EIF3H: variants seen among roughly 807,000 people sequenced by gnomAD.
The protein encoded by EIF3H is eIF-3-gamma.
Under a neutral mutation model 44.2 loss-of-function variants are expected in EIF3H, and 26 were observed. The observed-to-expected ratio is 0.59, with a 90% CI of 0.43 to 0.82. The LOEUF (loss-of-function observed/expected upper bound fraction) is 0.82, where lower values mean the gene tolerates loss of function less well. Among genes scored for constraint, EIF3H ranks in the 40% least tolerant of loss-of-function variants. The pLI is 0.00. For synonymous variants in EIF3H, 166 were observed against 151.9 expected (o/e 1.09, Z -0.68); for missense variants, 359 against 432.8 (o/e 0.83, Z 1.51).
chr8:116,688,929 T>C (rs1814126294), intron 2 of EIF3H: 1 of 282,242 alleles, frequency 3.5e-6, no homozygotes, highest in African/African-American at 2.3e-5. Flanking sequence ...AGAGTTACCA[T>C]ATGACCCAGC....
chr8:116,656,465 T>C (rs1393248160), intron 4 of EIF3H, among the ~76,000 whole-genome samples: 1 of 152,182 alleles, frequency 6.6e-6, no homozygotes, highest in African/African-American at 2.4e-5. Context: ...ATACAATAGT[T>C]AGAACATGCC....
chr8:116,688,746 T>A (rs1814123218), intron 2 of EIF3H, among the ~76,000 whole-genome samples: 1 of 152,192 alleles, frequency 6.6e-6, no homozygotes. Context: ...AAGTTGTGCA[T>A]CTGTTTGATG....
chr8:116,746,087 T>C (rs1004660787), intron 1 of EIF3H, among the ~76,000 whole-genome samples: 1 of 152,222 alleles, frequency 6.6e-6, no homozygotes, highest in Non-Finnish European at 1.5e-5. Flanking sequence ...CTCAGCAGTT[T>C]AAGGTTGCAT....
chr8:116,713,334 G>A (rs2130903584), intron 2 of EIF3H, among the ~76,000 whole-genome samples: 1 of 152,154 alleles, frequency 6.6e-6, no homozygotes, highest in Middle Eastern at 3.4e-3. Context: ...TGGGGACTAA[G>A]GGAGAGTATA....
chr8:116,679,394 G>A (rs1250633299), intron 2 of EIF3H, among the ~76,000 whole-genome samples: 3 of 67,732 alleles, frequency 4.4e-5, no homozygotes, highest in Non-Finnish European at 1.4e-4. Flanking sequence ...CAGCCGCCCC[G>A]TCCGGGAGGG....
chr8:116,702,317 G>C (rs1330168617), intron 2 of EIF3H, among the ~76,000 whole-genome samples: 2 of 152,186 alleles, frequency 1.3e-5, no homozygotes, highest in Non-Finnish European at 2.9e-5. Flanking sequence ...AGGTCAGAGA[G>C]AAAAGCAGGA....
chr8:116,716,402 A>G (rs1814659668), intron 2 of EIF3H, among the ~76,000 whole-genome samples: 2 of 152,096 alleles, frequency 1.3e-5, no homozygotes, highest in Admixed American at 6.5e-5. Flanking sequence ...AAAACTACCT[A>G]TTCTGATACT....
At position 116,675,745 on chromosome 8, in the gene EIF3H, T is replaced by C. The variant is rs145478854; in HGVS notation, c.290-16765A>G. ...ATGAAGCATCTGAATGCAACAAATA[T>C]GTAATTGATGTAAAAATGTTAACCA... On this transcript the variant is annotated intron_variant, in intron 2 of 7. Coordinates refer to ENST00000521861, the MANE Select transcript of EIF3H (RefSeq NM_003756.3). 3.7e-3 allele frequency among the ~76,000 whole-genome samples: 568 copies of C among 152,362 alleles called. 2 individuals are homozygous for C. The highest frequency in any genetic ancestry group is 0.017 in the Middle Eastern group (5 of 294).
chr8:116,650,109 G>A (rs1813363791), intron 5 of EIF3H, among the ~76,000 whole-genome samples: 1 of 152,192 alleles, frequency 6.6e-6, no homozygotes, highest in Admixed American at 6.5e-5. Flanking sequence ...ACTGCAATGT[G>A]AATGATATCC....
At chr8:116,702,889 G>T (rs147994103) in intron 2 of EIF3H, among the ~76,000 whole-genome samples, 204 of 152,202 alleles carry the variant, frequency 1.3e-3, no homozygotes, top group African/African-American at 4.8e-3. Flanking sequence ...TGGGGATTGT[G>T]GGGGGTGGCA....
Position 116,740,263 on chromosome 8 carries a change from C to T in EIF3H, c.133-14091G>A, listed in dbSNP as rs144493365. Among the ~76,000 whole-genome samples, 1,148 of 152,306 alleles carry T rather than the reference C, an allele frequency of 7.5e-3. 20 individuals are homozygous for T. The highest frequency in any genetic ancestry group is 0.024 in the Middle Eastern group (7 of 294). Reference sequence around the variant, plus strand: ...TTATGTCACGAAGTCTCTCAAAATACGTGACCACAATAGACATGAGCTCCA... The same window carrying T: ...TTATGTCACGAAGTCTCTCAAAATATGTGACCACAATAGACATGAGCTCCA... On this transcript the variant is annotated intron_variant, in intron 1 of 7. Transcript: ENST00000521861.
At chr8:116,652,009 A>G (rs1813401642) in intron 5 of EIF3H, among the ~76,000 whole-genome samples, 1 of 152,206 alleles carries the variant, frequency 6.6e-6, no homozygotes, top group South Asian at 2.1e-4. Context: ...GAAGAGAAAT[A>G]AGGTCCTAGA....
chr8:116,681,999 G>C (rs1184127326), intron 2 of EIF3H, among the ~76,000 whole-genome samples: 2 of 152,144 alleles, frequency 1.3e-5, no homozygotes, highest in African/African-American at 4.8e-5. Flanking sequence ...TATTTCAAGA[G>C]GTAAACCAGA....
intron 2 of EIF3H, among the ~76,000 whole-genome samples, chr8:116,725,067 G>C (rs1814812237): frequency 6.6e-6 from 1 of 151,990 alleles, no homozygotes; most frequent in South Asian, 2.1e-4. Flanking sequence ...AGGAAAATGT[G>C]GTATATACAG....
At chr8:116,694,746 A>G (rs748008561) in intron 2 of EIF3H, among the ~76,000 whole-genome samples, 1 of 152,160 alleles carries the variant, frequency 6.6e-6, no homozygotes, top group African/African-American at 2.4e-5. Flanking sequence ...ATTATTTTTG[A>G]AAAGATCTAT....
At chr8:116,653,872 T>TTG (rs1293591550) in intron 5 of EIF3H, among the ~76,000 whole-genome samples, 18 of 152,168 alleles carry the variant, frequency 1.2e-4, no homozygotes, top group African/African-American at 3.9e-4. Flanking sequence ...AGAACAAACT[T>TTG]ATCAGGCACA....
chr8:116,747,382 A>T (rs1815255711), intron 1 of EIF3H, among the ~76,000 whole-genome samples: 1 of 152,130 alleles, frequency 6.6e-6, no homozygotes, highest in African/African-American at 2.4e-5. Flanking sequence ...TAATGATAAT[A>T]CTATGCCATC....
At chr8:116,666,753 CAAAAAAA>C (rs56700266) in intron 2 of EIF3H, among the ~76,000 whole-genome samples, 158 of 71,456 alleles carry the variant, frequency 2.2e-3, no homozygotes, top group Admixed American at 5.0e-3. Flanking sequence ...TAGTGTTAGG[CAAAAAAA>C]AAAAAAAAAA....
rs1288056194 is a variant in EIF3H at position 116,642,340 on chromosome 8, GTA to G, written c.*2664_*2665del. ...ATTAAAACTTAAATATTTAGATGCT[GTA>G]TATGAGAAATCACACCAAGCTCTCT... is the stretch of plus-strand genomic sequence containing the variant. On this transcript the variant is annotated 3_prime_UTR_variant, in exon 8 of 8. Coordinates refer to ENST00000521861, the MANE Select transcript of EIF3H (RefSeq NM_003756.3). 1 of 152,182 alleles carries G rather than the reference GTA, an allele frequency of 6.6e-6. No individual in the cohort carries two copies. Among genetic ancestry groups the G allele is most frequent in the East Asian group, 1.9e-4 (1 of 5,188 alleles). The allele number at this position is 152,182 out of a possible 1,614,324, so 9.4% of individuals were successfully genotyped here.
Sources: gnomAD v4.1 joint callset for allele counts (sites outside exome capture counted in the v4.1 genomes callset) on GRCh38, gnomAD v4.1.1 for gene constraint, MANE v1.5 for transcripts, NCBI Gene and HGNC (gene_info 2026-07-23, HGNC 2026-07-21) for gene names.